The following NCAM1 variants were observed in gnomAD, a reference collection of about 807,000 sequenced individuals.
NCAM1 encodes neural cell adhesion molecule 1, also known as antigen recognized by monoclonal antibody 5.1H11.
A neutral mutation model predicts 109.8 loss-of-function variants in NCAM1; 14 were observed. That is an observed-to-expected ratio of 0.13 (90% CI 0.08 to 0.20). NCAM1 has a LOEUF of 0.20. Among genes scored for constraint, NCAM1 ranks in the 10% least tolerant of loss-of-function variants. The pLI, the probability that NCAM1 is intolerant of heterozygous loss-of-function variation, is 1.00. For missense variants in NCAM1, 774 were observed against 1,109.9 expected (o/e 0.70, Z 4.30); for synonymous variants, 418 against 442.9 (o/e 0.94, Z 0.70).
At position 113,205,417 on chromosome 11, in the gene NCAM1, G is replaced by T. The variant is rs1048492186; in HGVS notation, c.347-106G>T. ...CCCCTCTTATACAACTGTACATCAGGATCGAGACTTGCCCAGGACTCAAGT... is the reference window on the plus strand; with the variant it reads ...CCCCTCTTATACAACTGTACATCAGTATCGAGACTTGCCCAGGACTCAAGT... On this transcript the variant is annotated intron_variant, in intron 3 of 19. Transcript: ENST00000316851. 8.5e-6 allele frequency: 12 copies of T among 1,411,004 alleles called. No homozygotes were observed. The African/African-American group carries it at 1.5e-4, about 17-fold the overall frequency. 87.4% of individuals were successfully genotyped at this position (1,411,004 alleles called of 1,614,324 possible).
intron 1 of NCAM1, among the ~76,000 whole-genome samples, chr11:113,036,024 C>CTT (rs781802664): frequency 6.6e-6 from 1 of 152,040 alleles, no homozygotes; most frequent in Non-Finnish European, 1.5e-5. Flanking sequence ...CTTCTCTGCT[C>CTT]CTGTCCTGGG....
chr11:113,050,071 G>T (rs181442535), intron 1 of NCAM1, among the ~76,000 whole-genome samples: 1 of 147,292 alleles, frequency 6.8e-6, no homozygotes, highest in African/African-American at 2.5e-5. Flanking sequence ...ATTCTGTGGG[G>T]CTTTTCTATT....
At chr11:113,155,817 TG>T (rs1476052469) in intron 1 of NCAM1, among the ~76,000 whole-genome samples, 1 of 152,118 alleles carries the variant, frequency 6.6e-6, no homozygotes, top group Non-Finnish European at 1.5e-5. Context: ...GTATGTACTC[TG>T]GGTTCTCCTC....
At chr11:113,177,746 T>A (rs188893521) in intron 1 of NCAM1, among the ~76,000 whole-genome samples, 1 of 152,282 alleles carries the variant, frequency 6.6e-6, no homozygotes, top group East Asian at 1.9e-4. Context: ...GAGCATCATG[T>A]CTTTCCTACA....
At chr11:113,266,528 C>T (rs2137726513) in intron 17 of NCAM1, among the ~76,000 whole-genome samples, 1 of 152,236 alleles carries the variant, frequency 6.6e-6, no homozygotes, top group African/African-American at 2.4e-5. Flanking sequence ...TCACGTGCTC[C>T]TCTTTGTAAT....
At chr11:113,068,232 C>G (rs1408955224) in intron 1 of NCAM1, among the ~76,000 whole-genome samples, 1 of 152,202 alleles carries the variant, frequency 6.6e-6, no homozygotes, top group Middle Eastern at 3.4e-3. Flanking sequence ...GTTTTTAAGA[C>G]TTGCCTGAAC....
intron 1 of NCAM1, among the ~76,000 whole-genome samples, chr11:113,117,088 G>A (rs1270467130): frequency 6.6e-6 from 1 of 151,858 alleles, no homozygotes; most frequent in Non-Finnish European, 1.5e-5. Context: ...CATGTGCCAA[G>A]AATATGTTAC....
chr11:113,141,217 C>A (rs1941806697), intron 1 of NCAM1, among the ~76,000 whole-genome samples: 1 of 152,216 alleles, frequency 6.6e-6, no homozygotes, highest in African/African-American at 2.4e-5. Context: ...TGAGAGAAGG[C>A]CCTCCAGTCC....
intron 1 of NCAM1, among the ~76,000 whole-genome samples, chr11:113,186,003 T>C (rs74599566): frequency 0.026 from 4,015 of 152,278 alleles, 168 homozygotes; most frequent in African/African-American, 0.091. Context: ...ATTAGACTGG[T>C]GTGAATCTCA....
chr11:112,979,485 G>A (rs535152394), intron 1 of NCAM1, among the ~76,000 whole-genome samples: 1 of 151,904 alleles, frequency 6.6e-6, no homozygotes, highest in South Asian at 2.1e-4. Flanking sequence ...CAGTGGGTTT[G>A]GAAAGTGGGA....
rs10535004 is a variant in NCAM1, at chr11:113,077,688, C to CT, written c.52+116039dup. On this transcript the variant is annotated intron_variant, in intron 1 of 19. Coordinates refer to ENST00000316851, the MANE Select transcript of NCAM1 (RefSeq NM_181351.5). ...GCATGTAGTGGGTGTTAAGGAAGTACTTTTTTTTTTTTTTTGAGACGGAGT... is the reference window on the plus strand; with the variant it reads ...GCATGTAGTGGGTGTTAAGGAAGTACTTTTTTTTTTTTTTTTGAGACGGAGT... 2.6e-4 allele frequency among the ~76,000 whole-genome samples: 38 copies of CT among 145,676 alleles called. 1 individual carries two copies. Among genetic ancestry groups the CT allele is most frequent in the South Asian group, 6.6e-4 (3 of 4,512 alleles).
intron 1 of NCAM1, among the ~76,000 whole-genome samples, chr11:113,044,286 G>T (rs549831448): frequency 6.6e-6 from 1 of 152,174 alleles, no homozygotes; most frequent in South Asian, 2.1e-4. Context: ...TTTGAGGGAG[G>T]ATAAGAAAGT....
intron 1 of NCAM1, among the ~76,000 whole-genome samples, chr11:113,104,202 T>TTGG (rs1940025809): frequency 3.9e-4 from 1 of 2,548 alleles, no homozygotes; most frequent in African/African-American, 1.5e-3. Context: ...GAAGAGGAGG[T>TTGG]GGGGTGGGGG....
intron 1 of NCAM1, among the ~76,000 whole-genome samples, chr11:112,996,248 ATG>A (rs1481913350): frequency 1.3e-5 from 2 of 152,206 alleles, no homozygotes; most frequent in Non-Finnish European, 2.9e-5. Context: ...TTATAAAACT[ATG>A]TGCTTAACAT....
At chr11:113,115,871 C>T (rs1206855897) in intron 1 of NCAM1, among the ~76,000 whole-genome samples, 1 of 152,158 alleles carries the variant, frequency 6.6e-6, no homozygotes, top group African/African-American at 2.4e-5. Flanking sequence ...TGGGAAAATA[C>T]ACATGACATA....
intron 1 of NCAM1, among the ~76,000 whole-genome samples, chr11:113,124,860 A>T (rs1479965905): frequency 1.3e-5 from 2 of 152,192 alleles, no homozygotes; most frequent in African/African-American, 4.8e-5. Flanking sequence ...TAAATTTCTC[A>T]GCAGTACATT....
At chr11:113,094,238 A>G (rs1939491885) in intron 1 of NCAM1, among the ~76,000 whole-genome samples, 1 of 152,198 alleles carries the variant, frequency 6.6e-6, no homozygotes, top group Admixed American at 6.5e-5. Flanking sequence ...TCCAAGAAAA[A>G]AAGGTTGAAT....
In NCAM1 at chr11:113,231,641, G is replaced by A; in HGVS notation, c.1090-4G>A. The A allele has an allele frequency of 6.2e-7, 1 of 1,612,666 alleles. No individual in the cohort carries two copies. Among genetic ancestry groups the A allele is most frequent in the Non-Finnish European group, 8.5e-7 (1 of 1,179,262 alleles). ...CATGCTCCCTTCCCCCCCACCCCCG[G>A]CAGACTCTGGATGGGCACATGGTGG... On this transcript the variant is annotated splice_polypyrimidine_tract_variant and splice_region_variant and intron_variant, in intron 9 of 19. Coordinates refer to ENST00000316851, the MANE Select transcript of NCAM1 (RefSeq NM_181351.5).
intron 1 of NCAM1, among the ~76,000 whole-genome samples, chr11:113,139,001 T>C (rs541477925): frequency 1.2e-4 from 18 of 152,350 alleles, no homozygotes; most frequent in African/African-American, 4.3e-4. Flanking sequence ...TGCCAATGCC[T>C]ATCTTTGACA....
Sources: allele counts gnomAD v4.1 joint callset (sites outside exome capture counted in the v4.1 genomes callset), GRCh38; gene constraint gnomAD v4.1.1; transcripts MANE v1.5; gene names NCBI Gene and HGNC (gene_info 2026-07-23, HGNC 2026-07-21).